Variants in LRRK1 observed in about 807,000 individuals in gnomAD.
LRRK1 encodes the protein leucine-rich repeat serine/threonine-protein kinase 1.
A neutral mutation model predicts 209.1 loss-of-function variants in LRRK1; 113 were observed. The observed-to-expected ratio is 0.54, with a 90% CI of 0.46 to 0.63. The LOEUF (loss-of-function observed/expected upper bound fraction) is 0.63. Ranked by LOEUF, LRRK1 falls within the 30% of genes least tolerant of loss-of-function variation. The probability of loss-of-function intolerance (pLI) is 0.00; values close to 1 mark genes in which losing one functional copy is unlikely to be tolerated. For missense variants in LRRK1, 2,284 were observed against 2,632.2 expected (o/e 0.87, Z 2.89); for synonymous variants, 1,144 against 1,099.7 (o/e 1.04, Z -0.80).
chr15:100,939,284 C>T (rs2042358882), intron 2 of LRRK1, among the ~76,000 whole-genome samples: 1 of 152,126 alleles, frequency 6.6e-6, no homozygotes, highest in African/African-American at 2.4e-5. Flanking sequence ...TTTTTCATTG[C>T]AGTTTCTTTT....
At chr15:101,028,387 A>G (rs1336803061) in intron 19 of LRRK1, among the ~76,000 whole-genome samples, 1 of 152,240 alleles carries the variant, frequency 6.6e-6, no homozygotes, top group Non-Finnish European at 1.5e-5. Flanking sequence ...TTCCTCCATA[A>G]GGCACATCGC....
At position 101,054,961 on chromosome 15, in the gene LRRK1, C is replaced by A; in HGVS notation, c.4070C>A (p.Pro1357His). 1.9e-6 allele frequency: 3 copies of A among 1,610,728 alleles called. No individual in the cohort carries two copies. Among genetic ancestry groups the A allele is most frequent in the Non-Finnish European group, 2.5e-6 (3 of 1,178,570 alleles). The change falls in exon 27 of 34, where the codon CCC becomes CAC. Residue 1357 changes from proline (P) to histidine (H), a missense_variant. Pro to His is a moderately conservative substitution (Grantham distance 77). Around this residue, in one of 6 missense-constraint regions of LRRK1, gnomAD observed 780 missense variants for 985.2 expected, o/e 0.79. Transcript: ENST00000388948. ...SENARDSSFI[P>H]LGHMLTQKIA... Reference sequence around the variant, plus strand: ...TCTTTGCAAGATTCTTCCTTTATACCCCTGGGACACATGCTCACCCAAAAA... The same window carrying A: ...TCTTTGCAAGATTCTTCCTTTATACACCTGGGACACATGCTCACCCAAAAA...
At chr15:100,975,106 A>G (rs1229106518) in intron 3 of LRRK1, among the ~76,000 whole-genome samples, 1 of 152,226 alleles carries the variant, frequency 6.6e-6, no homozygotes, top group Non-Finnish European at 1.5e-5. Flanking sequence ...TTCATGGTGG[A>G]TATGGAAAAG....
At chr15:101,008,688 C>T (rs1164297796) in intron 6 of LRRK1, 149 bp from the exon 7 acceptor site, 5 of 640,004 alleles carry the variant, frequency 7.8e-6, no homozygotes, top group African/African-American at 3.7e-5. Context: ...CAGGTGCCGG[C>T]GGCCGAGAAG....
At chr15:100,984,376 C>G (rs981416724) in intron 4 of LRRK1, among the ~76,000 whole-genome samples, 4 of 152,158 alleles carry the variant, frequency 2.6e-5, no homozygotes, top group African/African-American at 9.7e-5. Context: ...TATATCCCAT[C>G]GGTTTTGACA....
chr15:100,974,169 T>C lies in LRRK1; in HGVS notation c.261+202T>C, dbSNP rs551458309. On this transcript the variant is annotated intron_variant, in intron 3 of 33. Coordinates refer to ENST00000388948, the MANE Select transcript of LRRK1 (RefSeq NM_024652.6). ...GTCTGATATCACCTAAGCAGGCCCC[T>C]GCCACCTTTTCATGGGAGGCCTTTG... 158 of 418,984 alleles carry C rather than the reference T, an allele frequency of 3.8e-4. 1 individual carries two copies. Among genetic ancestry groups the C allele is most frequent in the Non-Finnish European group, 5.7e-4 (141 of 247,272 alleles). 26.0% of individuals were successfully genotyped at this position (418,984 alleles called of 1,614,324 possible). A position where few individuals can be genotyped will look rare whatever the true frequency, so the allele number is the denominator to read the frequency against.
chr15:100,989,463 A>G (rs984495472), intron 6 of LRRK1, 65 bp downstream of exon 6: 12 of 1,522,232 alleles, frequency 7.9e-6, no homozygotes, highest in Non-Finnish European at 1.1e-5. Flanking sequence ...AGAATCCTGC[A>G]GACTGGGTAA....
chr15:101,054,181 C>T (rs2035654115), intron 26 of LRRK1, among the ~76,000 whole-genome samples: 1 of 152,152 alleles, frequency 6.6e-6, no homozygotes, highest in Non-Finnish European at 1.5e-5. Flanking sequence ...CACCCTGTTG[C>T]CCAGGTCGTT....
rs530793684 is a variant in LRRK1 at position 101,071,890 on chromosome 15, T to A, written c.*3042T>A. 1.7e-4 allele frequency: 26 copies of A among 152,362 alleles called. No individual in the cohort carries two copies. Among genetic ancestry groups the A allele is most frequent in the African/African-American group, 6.0e-4 (25 of 41,548 alleles). The allele number at this position is 152,362 out of a possible 1,614,324, so 9.4% of individuals were successfully genotyped here. A position where few individuals can be genotyped will look rare whatever the true frequency, so the allele number is the denominator to read the frequency against. The stretch of plus-strand genomic sequence containing the variant: ...GAGACTGAGGAATGGGAAGAAGGCA[T>A]TCCATGGAGCTCTGAGGGCACTGGG... On this transcript the variant is annotated 3_prime_UTR_variant, in exon 34 of 34. Coordinates refer to ENST00000388948, the MANE Select transcript of LRRK1 (RefSeq NM_024652.6).
At chr15:100,941,258 GTCTGTGTC>G (rs2042398804) in intron 2 of LRRK1, among the ~76,000 whole-genome samples, 1 of 149,998 alleles carries the variant, frequency 6.7e-6, no homozygotes, top group African/African-American at 2.5e-5. Flanking sequence ...CTGTGTGTGT[GTCTGTGTC>G]TCTGTGTGTG....
At position 101,010,747 on chromosome 15, in the gene LRRK1, C is replaced by A. The variant is rs2033195688; in HGVS notation, c.1191C>A (p.Ala397=). Residue 397 remains alanine (A), a synonymous_variant, in exon 9 of 34, where the codon GCC becomes GCA. Coordinates refer to ENST00000388948, the MANE Select transcript of LRRK1 (RefSeq NM_024652.6). ...ACAATAAATTGACAGAACTCCCTGC[C>A]CTGTTCCTTCACTCTTTCAAGTCCC... The part of the protein sequence containing the change: ...ISDNKLTELP[A]LFLHSFKSLN... 6.2e-7 allele frequency: 1 copy of A among 1,613,792 alleles called. No individual in the cohort carries two copies. The highest frequency in any genetic ancestry group is 8.5e-7 in the Non-Finnish European group (1 of 1,179,830).
At chr15:100,945,066 A>T (rs2042509652) in intron 2 of LRRK1, among the ~76,000 whole-genome samples, 1 of 152,244 alleles carries the variant, frequency 6.6e-6, no homozygotes, top group African/African-American at 2.4e-5. Flanking sequence ...CAACTCAGTT[A>T]TACAGGCGGT....
rs1446212862 is a variant in LRRK1 at position 101,026,195 on chromosome 15, T to C, written c.2405+58T>C. 1.3e-5 allele frequency: 20 copies of C among 1,532,904 alleles called. No homozygotes were observed. The East Asian group carries it at 1.8e-4, about 14-fold the overall frequency. 95.0% of individuals were successfully genotyped at this position (1,532,904 alleles called of 1,614,324 possible). On this transcript the variant is annotated intron_variant, in intron 17 of 33. Coordinates refer to ENST00000388948, the MANE Select transcript of LRRK1 (RefSeq NM_024652.6). ...CTTGTGGGTGCCAGTCGCTGATCTTTCCTGGGATCAGCTTGCAGAGAGCTC... is the reference window on the plus strand; with the variant it reads ...CTTGTGGGTGCCAGTCGCTGATCTTCCCTGGGATCAGCTTGCAGAGAGCTC...
chr15:100,942,758 C>T (rs1345955597), intron 2 of LRRK1, among the ~76,000 whole-genome samples: 1 of 152,084 alleles, frequency 6.6e-6, no homozygotes, highest in African/African-American at 2.4e-5. Flanking sequence ...GTGTGAAGTT[C>T]GACAATTCAC....
intron 6 of LRRK1, among the ~76,000 whole-genome samples, chr15:101,007,025 G>C (rs976689914): frequency 1.3e-5 from 2 of 152,242 alleles, no homozygotes; most frequent in African/African-American, 4.8e-5. Context: ...GACAGACAGA[G>C]CGACAGAGTC....
chr15:101,034,883 T>C (rs1219289873), intron 20 of LRRK1, among the ~76,000 whole-genome samples: 1 of 152,054 alleles, frequency 6.6e-6, no homozygotes, highest in Non-Finnish European at 1.5e-5. Context: ...TGTTAACATA[T>C]AGTTCTTCAT....
intron 2 of LRRK1, among the ~76,000 whole-genome samples, chr15:100,934,676 C>T (rs2042265796): frequency 6.8e-6 from 1 of 147,938 alleles, no homozygotes; most frequent in African/African-American, 2.5e-5. Context: ...GAGGCACACA[C>T]CTGTGGTCCC....
rs2034115247 is a variant in LRRK1 at position 101,027,899 on chromosome 15, C to T, written c.2686+102C>T. The T allele has an allele frequency of 9.1e-7, 1 of 1,093,710 alleles. No homozygotes were observed. Among genetic ancestry groups the T allele is most frequent in the Non-Finnish European group, 1.3e-6 (1 of 774,180 alleles). The allele number at this position is 1,093,710 out of a possible 1,614,324, so 67.8% of individuals were successfully genotyped here. A position where few individuals can be genotyped will look rare whatever the true frequency, so the allele number is the denominator to read the frequency against. ...TCAGTAATGAATGAGAGACCGACACCCAGCCTGCGTTTCTGCCTTCCATCC... is the reference window on the plus strand; with the variant it reads ...TCAGTAATGAATGAGAGACCGACACTCAGCCTGCGTTTCTGCCTTCCATCC... On this transcript the variant is annotated intron_variant, in intron 19 of 33. Coordinates refer to ENST00000388948, the MANE Select transcript of LRRK1 (RefSeq NM_024652.6). The surrounding 1 kb of genome is among the most constrained non-coding windows in gnomAD (Gnocchi z 5.1).
chr15:101,042,815 A>C (rs1448264869), intron 20 of LRRK1, among the ~76,000 whole-genome samples: 7 of 152,192 alleles, frequency 4.6e-5, no homozygotes, highest in African/African-American at 1.4e-4. Flanking sequence ...GGTTTTCATC[A>C]AAACCAAGTG....
Sources: gnomAD v4.1 joint callset for allele counts (sites outside exome capture counted in the v4.1 genomes callset) on GRCh38, gnomAD v4.1.1 for gene constraint, gnomAD v4.1.1 regional missense constraint, Gnocchi (gnomAD v3.1) non-coding constraint, MANE v1.5 for transcripts, NCBI Gene and HGNC (gene_info 2026-07-23, HGNC 2026-07-21) for gene names.